CHD6: variants seen among roughly 807,000 people sequenced by gnomAD.
The protein encoded by CHD6 is ATP-dependent chromatin remodeler CHD6.
A neutral mutation model predicts 276.9 loss-of-function variants in CHD6; 50 were observed. The observed-to-expected ratio is 0.18, with a 90% CI of 0.14 to 0.23. CHD6 has a LOEUF of 0.23. Among genes scored for constraint, CHD6 ranks in the 10% least tolerant of loss-of-function variants. CHD6 has a pLI of 1.00. For synonymous variants in CHD6, 1,173 were observed against 1,229.3 expected, an observed-to-expected ratio of 0.95 and a Z score of 0.96; for missense variants, 2,564 against 3,365.8, an observed-to-expected ratio of 0.76 and a Z score of 5.89.
intron 17 of CHD6, among the ~76,000 whole-genome samples, chr20:41,471,098 T>C (rs1450141225): frequency 6.6e-6 from 1 of 152,212 alleles, no homozygotes; most frequent in South Asian, 2.1e-4. Context: ...AAGGGCCTGA[T>C]AGTAAATATT....
At chr20:41,493,370 A>C (rs79065721) in intron 10 of CHD6, among the ~76,000 whole-genome samples, 168 bp downstream of exon 10, 1 of 152,134 alleles carries the variant, frequency 6.6e-6, no homozygotes, top group Non-Finnish European at 1.5e-5. Flanking sequence ...GGGCGCTGGG[A>C]AAGTTCGATC....
chr20:41,464,683 C>T lies in CHD6; in HGVS notation c.2665-7255G>A, dbSNP rs1322598465. On this transcript the variant is annotated intron_variant, in intron 17 of 36. Transcript: ENST00000373233. ...TATGCATACATCTGTTTCCTAGCTC[C>T]ATGTGCACAGAGGGTCTAGAAGCAA... is the stretch of plus-strand genomic sequence containing the variant. 2.9e-4 allele frequency among the ~76,000 whole-genome samples: 44 copies of T among 152,130 alleles called. 1 individual carries two copies.
intron 10 of CHD6, 126 bp downstream of exon 10, chr20:41,493,412 T>G: frequency 3.8e-5 from 36 of 942,404 alleles, no homozygotes; most frequent in Non-Finnish European, 5.6e-5. Flanking sequence ...GAGGGTTCAA[T>G]GAGAAGTAAC....
chr20:41,448,027 A>C lies in CHD6; in HGVS notation c.3684-56T>G, dbSNP rs2048123281. The stretch of plus-strand genomic sequence containing the variant: ...AATTAGAACCCATAACTGTCTGTGA[A>C]CCACATCCCCAAGTTAACACTGGGA... On this transcript the variant is annotated intron_variant, in intron 23 of 36. Transcript: ENST00000373233. 4.1e-6 allele frequency: 4 copies of C among 986,284 alleles called. No individual in the cohort carries two copies. In the Admixed American group the frequency reaches 8.9e-5, roughly 22 times the overall value. 61.1% of individuals were successfully genotyped at this position (986,284 alleles called of 1,614,324 possible).
chr20:41,504,446 C>T (rs1461511220), intron 5 of CHD6, among the ~76,000 whole-genome samples: 1 of 134,526 alleles, frequency 7.4e-6, no homozygotes, highest in African/African-American at 2.8e-5. Context: ...CTCACTCTGT[C>T]ACCCAGGCTG....
intron 27 of CHD6, among the ~76,000 whole-genome samples, chr20:41,432,330 G>A (rs1454851262): frequency 1.3e-5 from 2 of 152,202 alleles, no homozygotes; most frequent in Admixed American, 6.5e-5. Context: ...TGGCAACAAC[G>A]GCTGAGTGGG....
intron 3 of CHD6, among the ~76,000 whole-genome samples, chr20:41,522,405 G>A (rs955569396): frequency 5.9e-5 from 9 of 152,062 alleles, no homozygotes; most frequent in Non-Finnish European, 1.2e-4. Flanking sequence ...GAAAAGATGC[G>A]CATGGTGCAG....
intron 12 of CHD6, 47 bp from the exon 13 acceptor site, chr20:41,488,651 A>G: frequency 6.5e-7 from 1 of 1,548,148 alleles, no homozygotes; most frequent in Non-Finnish European, 8.8e-7. Flanking sequence ...ATGGCTATAG[A>G]ATTCTGCTAA....
chr20:41,580,590 G>T (rs1349233633), intron 1 of CHD6, among the ~76,000 whole-genome samples: 1 of 145,550 alleles, frequency 6.9e-6, no homozygotes, highest in Non-Finnish European at 1.5e-5. Context: ...AGCCTGGGAG[G>T]TCAAAGTTGC....
rs777005078 is a variant in CHD6 at position 41,457,249 on chromosome 20, G to A, written c.2829+15C>T. 2.5e-6 allele frequency: 4 copies of A among 1,608,630 alleles called. No homozygotes were observed. The highest frequency in any genetic ancestry group is 2.2e-5 in the East Asian group (1 of 44,604). ...AATGTTCCTTAAGACTCCAGAGCAG[G>A]CCCATCACACTCACCCCATTGGTGC... On this transcript the variant is annotated intron_variant, in intron 18 of 36. Transcript: ENST00000373233.
At chr20:41,428,020 T>G (rs1031382811) in intron 27 of CHD6, among the ~76,000 whole-genome samples, 3 of 152,164 alleles carry the variant, frequency 2.0e-5, no homozygotes, top group African/African-American at 7.2e-5. Flanking sequence ...GTGGCTGACA[T>G]GGGCATCATC....
chr20:41,460,270 C>A (rs1197630943), intron 17 of CHD6, among the ~76,000 whole-genome samples: 2 of 152,214 alleles, frequency 1.3e-5, no homozygotes, highest in Non-Finnish European at 2.9e-5. Flanking sequence ...TGCAGCCTGA[C>A]TATGCGATAG....
chr20:41,405,221 G>C lies in CHD6; in HGVS notation c.7520C>G (p.Thr2507Arg), dbSNP rs200245724. Residue 2507 changes from threonine (T) to arginine (R), a missense_variant, in exon 37 of 37, where the codon ACA becomes AGA. Thr to Arg is a moderately conservative substitution (Grantham distance 71, BLOSUM62 -1). This residue lies in a region of CHD6 where 25 missense variants were observed against 50.8 expected (regional missense o/e 0.49). Coordinates refer to ENST00000373233, the MANE Select transcript of CHD6 (RefSeq NM_032221.5). ...GFPAGFATMP[T>R]GEEVKSTLSM... ...CAGGGTACTTTTGACCTCTTCACCTGTTGGCATCGTGGCAAAGCCAGCTGG... is the reference window on the plus strand; with the variant it reads ...CAGGGTACTTTTGACCTCTTCACCTCTTGGCATCGTGGCAAAGCCAGCTGG... The C allele has an allele frequency of 6.2e-7, 1 of 1,614,204 alleles. No individual in the cohort carries two copies. The highest frequency in any genetic ancestry group is 2.2e-5 in the East Asian group (1 of 44,868).
intron 1 of CHD6, among the ~76,000 whole-genome samples, chr20:41,590,640 C>G (rs918052134): frequency 1.3e-5 from 2 of 152,128 alleles, no homozygotes; most frequent in Admixed American, 1.3e-4. Context: ...CAGAGAAATG[C>G]AAATCAAAAC....
At chr20:41,604,362 C>G (rs1449055892) in intron 1 of CHD6, among the ~76,000 whole-genome samples, 1 of 152,082 alleles carries the variant, frequency 6.6e-6, no homozygotes, top group Non-Finnish European at 1.5e-5. Flanking sequence ...TAAGATATGA[C>G]TGAGGAATAG....
intron 3 of CHD6, among the ~76,000 whole-genome samples, chr20:41,524,841 T>C (rs984648646): frequency 6.6e-6 from 1 of 152,244 alleles, no homozygotes; most frequent in Admixed American, 6.5e-5. Context: ...TCCTCTGTCA[T>C]GACCCATTCT....
intron 3 of CHD6, among the ~76,000 whole-genome samples, chr20:41,530,878 G>A (rs1400814635): frequency 6.6e-6 from 1 of 152,168 alleles, no homozygotes; most frequent in African/African-American, 2.4e-5. Flanking sequence ...AAAAGGTTCT[G>A]CTGTCTTCTA....
intron 1 of CHD6, among the ~76,000 whole-genome samples, chr20:41,599,283 T>A (rs1488649224): frequency 1.3e-5 from 2 of 152,184 alleles, no homozygotes; most frequent in Non-Finnish European, 2.9e-5. Context: ...GCTGTACTTT[T>A]ATCCCTAACA....
At chr20:41,528,799 A>T (rs1043956995) in intron 3 of CHD6, among the ~76,000 whole-genome samples, 19 of 152,270 alleles carry the variant, frequency 1.2e-4, no homozygotes, top group Non-Finnish European at 2.6e-4. Context: ...TGAAAAGGAA[A>T]ATTTGCTAGA....
Sources: gnomAD v4.1 joint callset for allele counts (sites outside exome capture counted in the v4.1 genomes callset) on GRCh38, gnomAD v4.1.1 for gene constraint, gnomAD v4.1.1 regional missense constraint, MANE v1.5 for transcripts, NCBI Gene and HGNC (gene_info 2026-07-23, HGNC 2026-07-21) for gene names.